The following PTPRT variants were observed in gnomAD, a reference collection of about 807,000 sequenced individuals.
PTPRT encodes receptor-type tyrosine-protein phosphatase T.
Under a neutral mutation model 176.8 loss-of-function variants are expected in PTPRT, and 56 were observed. The ratio of observed to expected loss-of-function variants is 0.32; its 90% confidence interval spans 0.26 to 0.40. The LOEUF (loss-of-function observed/expected upper bound fraction) is 0.40. Ranked by LOEUF, PTPRT falls within the 10% of genes least tolerant of loss-of-function variation. PTPRT has a pLI of 1.00. For synonymous variants in PTPRT, 783 were observed against 739.0 expected, an observed-to-expected ratio of 1.06 and a Z score of -0.96; for missense variants, 1,540 against 1,908.2, an observed-to-expected ratio of 0.81 and a Z score of 3.60.
At chr20:42,640,250 T>C (rs2074710518) in intron 7 of PTPRT, among the ~76,000 whole-genome samples, 2 of 152,158 alleles carry the variant, frequency 1.3e-5, no homozygotes, top group African/African-American at 4.8e-5. Context: ...ATTTTTTTAT[T>C]GGTAGTTATA....
chr20:43,177,972 C>T (rs1311443067), intron 1 of PTPRT, among the ~76,000 whole-genome samples: 1 of 152,178 alleles, frequency 6.6e-6, no homozygotes, highest in East Asian at 1.9e-4. Flanking sequence ...AAGAGGAAAA[C>T]TTAAAGAACT....
chr20:42,469,492 A>G (rs1466521792), intron 8 of PTPRT, among the ~76,000 whole-genome samples: 1 of 152,172 alleles, frequency 6.6e-6, no homozygotes, highest in African/African-American at 2.4e-5. Flanking sequence ...GTGAGCCACC[A>G]TGTCTGGCCA....
intron 1 of PTPRT, chr20:42,968,790 GC>G (rs1982451995): frequency 6.6e-6 from 1 of 152,216 alleles, no homozygotes; most frequent in Non-Finnish European, 1.5e-5. Flanking sequence ...GGGCACCAGG[GC>G]CTAGGTCTGC....
At chr20:42,400,248 T>C (rs1353004611) in intron 9 of PTPRT, among the ~76,000 whole-genome samples, 1 of 152,156 alleles carries the variant, frequency 6.6e-6, no homozygotes, top group Non-Finnish European at 1.5e-5. Context: ...ATTTAAAAAA[T>C]CATATGGGAC....
chr20:42,225,030 C>G (rs535351820), intron 15 of PTPRT, among the ~76,000 whole-genome samples: 2 of 152,314 alleles, frequency 1.3e-5, no homozygotes, highest in African/African-American at 4.8e-5. Context: ...ATGACATTGT[C>G]TTCCTTTGTA....
intron 9 of PTPRT, among the ~76,000 whole-genome samples, chr20:42,447,053 T>C (rs2145849140): frequency 6.6e-6 from 1 of 152,304 alleles, no homozygotes; most frequent in Non-Finnish European, 1.5e-5. Flanking sequence ...AGGTTATCGG[T>C]CTGTTAGATT....
intron 16 of PTPRT, among the ~76,000 whole-genome samples, chr20:42,198,987 A>G (rs1991340243): frequency 6.6e-6 from 1 of 152,070 alleles, no homozygotes. Flanking sequence ...GTCTCTATTT[A>G]TGTCCACAAG....
the PTPRT span, among the ~76,000 whole-genome samples, chr20:42,043,692 A>G: frequency 1.3e-5 from 2 of 152,198 alleles, no homozygotes; most frequent in African/African-American, 4.8e-5. Flanking sequence ...TTAAGCCACT[A>G]AAATTTCAGG....
intron 8 of PTPRT, among the ~76,000 whole-genome samples, chr20:42,450,592 T>A (rs1258384620): frequency 6.6e-6 from 1 of 152,208 alleles, no homozygotes; most frequent in Non-Finnish European, 1.5e-5. Flanking sequence ...TTTAAGGACG[T>A]AAGCTTTCTT....
At chr20:42,593,472 G>T (rs1033844289) in intron 7 of PTPRT, among the ~76,000 whole-genome samples, 7 of 152,170 alleles carry the variant, frequency 4.6e-5, no homozygotes, top group African/African-American at 1.7e-4. Context: ...TGGAGGTTCT[G>T]ACTGTGATGT....
At chr20:42,901,086 C>A (rs560193737) in intron 1 of PTPRT, among the ~76,000 whole-genome samples, 78 of 152,280 alleles carry the variant, frequency 5.1e-4, no homozygotes, top group South Asian at 1.5e-3. Flanking sequence ...CTTTCGACCC[C>A]CACATTCTCA....
At chr20:42,418,832 C>A (rs1160570187) in intron 9 of PTPRT, among the ~76,000 whole-genome samples, 1 of 152,120 alleles carries the variant, frequency 6.6e-6, no homozygotes, top group Non-Finnish European at 1.5e-5. Flanking sequence ...AGGACACCCT[C>A]CCCCGGCGGA....
intron 7 of PTPRT, among the ~76,000 whole-genome samples, chr20:42,623,467 C>T (rs144291945): frequency 6.6e-6 from 1 of 152,250 alleles, no homozygotes; most frequent in East Asian, 1.9e-4. Context: ...TGTTTCAGCA[C>T]CTTCATTTTT....
At chr20:42,435,534 T>C (rs900651671) in intron 9 of PTPRT, among the ~76,000 whole-genome samples, 2 of 152,046 alleles carry the variant, frequency 1.3e-5, no homozygotes, top group African/African-American at 2.4e-5. Flanking sequence ...AGAAGGCCAG[T>C]GAGACCAGAG....
At chr20:43,025,811 C>G (rs1349217898) in intron 1 of PTPRT, among the ~76,000 whole-genome samples, 1 of 152,122 alleles carries the variant, frequency 6.6e-6, no homozygotes, top group Non-Finnish European at 1.5e-5. Flanking sequence ...GTGAGGTGAT[C>G]CATCCCCAGA....
At chr20:42,223,378 T>C (rs2055930295) in intron 15 of PTPRT, among the ~76,000 whole-genome samples, 1 of 152,186 alleles carries the variant, frequency 6.6e-6, no homozygotes, top group Admixed American at 6.5e-5. Context: ...AGAATTTAAG[T>C]TAGTAAGCGG....
chr20:42,051,223 C>A, the PTPRT span, among the ~76,000 whole-genome samples: 1 of 152,170 alleles, frequency 6.6e-6, no homozygotes, highest in African/African-American at 2.4e-5. Flanking sequence ...GCCCTGAAAA[C>A]AGCAGTGTGT....
In PTPRT at chr20:42,461,402, G is replaced by A. The variant is rs183262498; in HGVS notation, c.1450+10864C>T. Among the ~76,000 whole-genome samples the A allele has an allele frequency of 6.6e-5, 10 of 152,178 alleles. No homozygotes were observed. The East Asian group carries it at 1.4e-3, about 21-fold the overall frequency. ...TGAGCACACTTGCACATGCCTATATGTGCCTATCCCACATGTCCTAGCTAC... is the reference window on the plus strand; with the variant it reads ...TGAGCACACTTGCACATGCCTATATATGCCTATCCCACATGTCCTAGCTAC... On this transcript the variant is annotated intron_variant, in intron 8 of 30. Coordinates refer to ENST00000373187, the MANE Select transcript of PTPRT (RefSeq NM_007050.6).
chr20:43,044,016 T>A (rs150947363), intron 1 of PTPRT, among the ~76,000 whole-genome samples: 4 of 152,040 alleles, frequency 2.6e-5, no homozygotes, highest in African/African-American at 7.2e-5. Flanking sequence ...GCTCGTTCAA[T>A]GGACAGACAC....
Sources: gnomAD v4.1 joint callset for allele counts (sites outside exome capture counted in the v4.1 genomes callset) on GRCh38, gnomAD v4.1.1 for gene constraint, MANE v1.5 for transcripts, NCBI Gene and HGNC (gene_info 2026-07-23, HGNC 2026-07-21) for gene names.